The following MAGI2 variants were observed in gnomAD, a reference collection of about 807,000 sequenced individuals.
MAGI2 encodes membrane-associated guanylate kinase, WW and PDZ domain-containing protein 2.
A neutral mutation model predicts 133.3 loss-of-function variants in MAGI2; 35 were observed. The ratio of observed to expected loss-of-function variants is 0.26; its 90% confidence interval spans 0.20 to 0.35. MAGI2 has a LOEUF of 0.35. Among genes scored for constraint, MAGI2 ranks in the 10% least tolerant of loss-of-function variants. The pLI, the probability that MAGI2 is intolerant of heterozygous loss-of-function variation, is 1.00. For synonymous variants in MAGI2, 729 were observed against 710.6 expected, an observed-to-expected ratio of 1.03 and a Z score of -0.41; for missense variants, 1,636 against 1,863.4, an observed-to-expected ratio of 0.88 and a Z score of 2.25.
chr7:79,210,933 G>A (rs1585209849), intron 1 of MAGI2, among the ~76,000 whole-genome samples: 1 of 151,988 alleles, frequency 6.6e-6, no homozygotes, highest in Admixed American at 6.6e-5. Flanking sequence ...TTTGGGATGG[G>A]AAGCCATTCA....
chr7:79,068,884 T>C (rs906332658), intron 1 of MAGI2, among the ~76,000 whole-genome samples: 1 of 152,216 alleles, frequency 6.6e-6, no homozygotes, highest in Non-Finnish European at 1.5e-5. Context: ...ACAGTTTCCA[T>C]GTAGATGTGC....
chr7:79,010,698 G>A (rs1266260103), intron 1 of MAGI2, among the ~76,000 whole-genome samples: 3 of 151,936 alleles, frequency 2.0e-5, no homozygotes, highest in Non-Finnish European at 4.4e-5. Flanking sequence ...TTAGCCATTT[G>A]TACTTTTTCC....
chr7:78,604,900 T>C (rs757356319), intron 3 of MAGI2, among the ~76,000 whole-genome samples: 3 of 152,230 alleles, frequency 2.0e-5, no homozygotes, highest in African/African-American at 2.4e-5. Flanking sequence ...GTGGATAATC[T>C]GTTGCTTCTG....
intron 1 of MAGI2, among the ~76,000 whole-genome samples, chr7:79,269,048 A>T (rs1285126915): frequency 2.0e-5 from 3 of 152,102 alleles, no homozygotes; most frequent in Non-Finnish European, 4.4e-5. Flanking sequence ...AGAGGGAAGG[A>T]AAAGTAAATT....
At chr7:78,994,959 T>G (rs1421307925) in intron 2 of MAGI2, among the ~76,000 whole-genome samples, 1 of 152,130 alleles carries the variant, frequency 6.6e-6, no homozygotes, top group African/African-American at 2.4e-5. Flanking sequence ...ATCGTTAGAA[T>G]TTTAGATTTA....
At chr7:78,655,438 AAC>A (rs1491026765) in intron 2 of MAGI2, among the ~76,000 whole-genome samples, 4 of 139,500 alleles carry the variant, frequency 2.9e-5, no homozygotes, top group African/African-American at 1.1e-4. Context: ...ACAAAAAACA[AAC>A]AAAAAAAAAC....
chr7:78,926,671 T>C (rs1306023262), intron 2 of MAGI2, among the ~76,000 whole-genome samples: 1 of 152,008 alleles, frequency 6.6e-6, no homozygotes, highest in Non-Finnish European at 1.5e-5. Flanking sequence ...CAAATTTTTA[T>C]GGAATGAGGA....
intron 2 of MAGI2, among the ~76,000 whole-genome samples, chr7:78,873,460 A>C (rs1328665431): frequency 6.6e-6 from 1 of 151,896 alleles, no homozygotes; most frequent in Non-Finnish European, 1.5e-5. Context: ...TGAACCCCAC[A>C]TGTAAGGGAT....
chr7:78,346,176 C>T (rs138191888), intron 7 of MAGI2, 133 bp from the exon 8 acceptor site: 15 of 964,316 alleles, frequency 1.6e-5, no homozygotes, highest in East Asian at 7.3e-5. Flanking sequence ...ACCCAGCACG[C>T]GGTCAGGCTC....
chr7:79,257,139 T>C (rs967982481), intron 1 of MAGI2, among the ~76,000 whole-genome samples: 12 of 152,088 alleles, frequency 7.9e-5, no homozygotes, highest in Non-Finnish European at 1.3e-4. Context: ...ACATGATAAA[T>C]ACATACAGTT....
intron 1 of MAGI2, among the ~76,000 whole-genome samples, chr7:79,428,048 G>A (rs1445558068): frequency 6.6e-6 from 1 of 152,096 alleles, no homozygotes; most frequent in Admixed American, 6.6e-5. Flanking sequence ...AGAAAACTAT[G>A]GGGTCCCTAA....
chr7:78,323,293 G>A (rs1257046318), intron 9 of MAGI2, among the ~76,000 whole-genome samples: 6 of 152,096 alleles, frequency 3.9e-5, no homozygotes, highest in Non-Finnish European at 7.4e-5. Flanking sequence ...TCATAAAACC[G>A]AGGACCTCAT....
chr7:78,255,492 C>T (rs1792874005), intron 10 of MAGI2: 1 of 292,784 alleles, frequency 3.4e-6, no homozygotes, highest in African/African-American at 2.3e-5. Context: ...CAAGACTGTG[C>T]TTGGGCTTAG....
At chr7:78,940,941 T>C (rs1235871335) in intron 2 of MAGI2, 1 of 152,172 alleles carries the variant, frequency 6.6e-6, no homozygotes, top group African/African-American at 2.4e-5. Context: ...TCTTCATTCG[T>C]ACATAGAACT....
At chr7:79,172,159 G>C (rs1368196116) in intron 1 of MAGI2, among the ~76,000 whole-genome samples, 1 of 151,974 alleles carries the variant, frequency 6.6e-6, no homozygotes. Context: ...TTTAGAACTT[G>C]TGAACATGTA....
At chr7:78,737,038 A>C (rs981424890) in intron 2 of MAGI2, among the ~76,000 whole-genome samples, 2 of 152,240 alleles carry the variant, frequency 1.3e-5, no homozygotes, top group African/African-American at 4.8e-5. Context: ...AACTATGGCT[A>C]TTCAGACTTG....
intron 1 of MAGI2, among the ~76,000 whole-genome samples, chr7:79,292,763 A>C (rs1015410541): frequency 3.3e-5 from 4 of 121,708 alleles, no homozygotes; most frequent in African/African-American, 1.2e-4. Context: ...CACTTTGTCA[A>C]TTTCTGCAAA....
chr7:78,501,350 GA>G (rs1201617254), intron 5 of MAGI2, among the ~76,000 whole-genome samples: 1 of 152,024 alleles, frequency 6.6e-6, no homozygotes, highest in African/African-American at 2.4e-5. Context: ...ATAATTATAA[GA>G]GATTGTAGGG....
intron 2 of MAGI2, among the ~76,000 whole-genome samples, chr7:78,950,969 CTT>C (rs761908445): frequency 1.0e-4 from 13 of 125,634 alleles, no homozygotes; most frequent in African/African-American, 1.8e-4. Flanking sequence ...CTAACGTTAG[CTT>C]TTTTTTTTTT....
Sources: allele counts gnomAD v4.1 joint callset (sites outside exome capture counted in the v4.1 genomes callset), GRCh38; gene constraint gnomAD v4.1.1; transcripts MANE v1.5; gene names NCBI Gene and HGNC (gene_info 2026-07-23, HGNC 2026-07-21).